The following SMC5 variants were observed in gnomAD, a reference collection of about 807,000 sequenced individuals.
SMC5 encodes the protein structural maintenance of chromosomes protein 5.
Under a neutral mutation model 148.3 loss-of-function variants are expected in SMC5, and 88 were observed. The ratio of observed to expected loss-of-function variants is 0.59; its 90% CI spans 0.50 to 0.71. The LOEUF (loss-of-function observed/expected upper bound fraction) is 0.71, where lower values mean the gene tolerates loss of function less well. Ranked by LOEUF, SMC5 falls within the 30% of genes least tolerant of loss-of-function variation. The probability of loss-of-function intolerance (pLI) is 0.00; values close to 1 mark genes in which losing one functional copy is unlikely to be tolerated. For synonymous variants in SMC5, 421 were observed against 432.8 expected (o/e 0.97, Z 0.34); for missense variants, 1,142 against 1,298.9 (o/e 0.88, Z 1.86).
intron 11 of SMC5, among the ~76,000 whole-genome samples, chr9:70,306,261 T>C (rs1000170124): frequency 6.6e-6 from 1 of 152,314 alleles, no homozygotes; most frequent in African/African-American, 2.4e-5. Context: ...TTAAAGAATT[T>C]TTTTAATTGG....
intron 3 of SMC5, 81 bp from the exon 4 acceptor site, chr9:70,277,229 G>A (rs1225749444): frequency 1.9e-6 from 2 of 1,054,068 alleles, no homozygotes; most frequent in Non-Finnish European, 2.5e-6. Flanking sequence ...CACCTTTTGT[G>A]CAAGAGAATT....
In SMC5 at chr9:70,342,405, AAATAAT is replaced by A. The variant is rs537967924; in HGVS notation, c.2398-1731_2398-1726del. ...AAAAGTGTAATAATAATAAAATAAT[AAATAAT>A]AATAATACAGGTGTCCAGACCTCAG... On this transcript the variant is annotated intron_variant, in intron 17 of 24. Transcript: ENST00000361138. Among the ~76,000 whole-genome samples, 100 of 152,120 alleles carry A rather than the reference AAATAAT, an allele frequency of 6.6e-4. No homozygotes were observed. In the East Asian group the frequency reaches 7.5e-3, roughly 11 times the overall value.
intron 1 of SMC5, among the ~76,000 whole-genome samples, chr9:70,260,515 T>C (rs2034088977): frequency 6.6e-6 from 1 of 152,190 alleles, no homozygotes; most frequent in South Asian, 2.1e-4. Flanking sequence ...CATAGTGCAC[T>C]CATTCTTTCT....
At chr9:70,335,995 G>C (rs1241463983) in intron 17 of SMC5, among the ~76,000 whole-genome samples, 2 of 152,232 alleles carry the variant, frequency 1.3e-5, no homozygotes, top group Non-Finnish European at 2.9e-5. Flanking sequence ...TGCTGTATTT[G>C]TTGTAGATTT....
chr9:70,310,120 T>A (rs1250288084), intron 11 of SMC5, among the ~76,000 whole-genome samples: 1 of 152,238 alleles, frequency 6.6e-6, no homozygotes, highest in Non-Finnish European at 1.5e-5. Flanking sequence ...AGTGCTGGGA[T>A]TACAGGTGTA....
intron 3 of SMC5, among the ~76,000 whole-genome samples, chr9:70,270,838 G>C (rs1040930727): frequency 1.3e-4 from 20 of 151,858 alleles, no homozygotes; most frequent in African/African-American, 4.4e-4. Flanking sequence ...GTAGAGACAG[G>C]GTTTCGCCAT....
intron 8 of SMC5, among the ~76,000 whole-genome samples, chr9:70,294,117 G>A (rs1443441744): frequency 2.0e-5 from 3 of 152,118 alleles, no homozygotes; most frequent in African/African-American, 7.2e-5. Flanking sequence ...AGATTTAAAA[G>A]CAAGAGAAGG....
At chr9:70,280,086 A>G (rs2034709233) in intron 5 of SMC5, among the ~76,000 whole-genome samples, 1 of 152,216 alleles carries the variant, frequency 6.6e-6, no homozygotes, top group Non-Finnish European at 1.5e-5. Context: ...CAAAGTGAAT[A>G]ATCAAAGGAG....
chr9:70,340,072 T>C (rs1286133770), intron 17 of SMC5, among the ~76,000 whole-genome samples: 2 of 152,190 alleles, frequency 1.3e-5, no homozygotes, highest in Non-Finnish European at 2.9e-5. Context: ...TTTAATAATA[T>C]ATATCAAGAT....
intron 17 of SMC5, among the ~76,000 whole-genome samples, chr9:70,331,362 T>C (rs2036213833): frequency 6.6e-6 from 1 of 152,202 alleles, no homozygotes; most frequent in Admixed American, 6.5e-5. Context: ...ATAATGTGTA[T>C]ACCTTATTTT....
rs1268435357 is a variant in SMC5, at chr9:70,324,254, A to C, written c.2397+111A>C. On this transcript the variant is annotated intron_variant, in intron 17 of 24. Transcript: ENST00000361138. ...ATAGTTTGTTGTTTTATGCTATTTA[A>C]CTTACAAATTTAATGCATCATGTTG... 4.4e-6 allele frequency: 5 copies of C among 1,135,706 alleles called. No individual in the cohort carries two copies. In the African/African-American group the frequency reaches 6.5e-5, roughly 15 times the overall value. 70.4% of individuals were successfully genotyped at this position (1,135,706 alleles called of 1,614,324 possible). A position where few individuals can be genotyped will look rare whatever the true frequency, so the allele number is the denominator to read the frequency against.
rs144459025 is a variant in SMC5, at chr9:70,335,330, G to A, written c.2398-8814G>A. 4.0e-3 allele frequency among the ~76,000 whole-genome samples: 601 copies of A among 152,116 alleles called. 4 individuals are homozygous for A. Among genetic ancestry groups the A allele is most frequent in the African/African-American group, 0.013 (556 of 41,488 alleles). On this transcript the variant is annotated intron_variant, in intron 17 of 24. Transcript: ENST00000361138. ...TAGCAAGACCCTGTTTCTACAAAAA[G>A]TTAAAAATTTGCCAGGCATGATGGT... is the stretch of plus-strand genomic sequence containing the variant.
rs1039977416 is a variant in SMC5, at chr9:70,259,282, G to A, written c.185+19G>A. Reference sequence around the variant, plus strand: ...ACTTCCTGTAAGTTGCCCGGAGGCCGCGCCGCGGGTGTGGAGGTGTGCTGG... The same window carrying A: ...ACTTCCTGTAAGTTGCCCGGAGGCCACGCCGCGGGTGTGGAGGTGTGCTGG... On this transcript the variant is annotated intron_variant, in intron 1 of 24. Transcript: ENST00000361138. 4 of 1,552,914 alleles carry A rather than the reference G, an allele frequency of 2.6e-6. No homozygotes were observed. In the African/African-American group the frequency reaches 4.1e-5, roughly 16 times the overall value.
intron 9 of SMC5, among the ~76,000 whole-genome samples, chr9:70,299,662 C>T (rs968511290): frequency 6.6e-5 from 10 of 151,844 alleles, no homozygotes; most frequent in Admixed American, 6.6e-4. Flanking sequence ...CATCATCCCC[C>T]CCCCTTTTTT....
chr9:70,263,512 AC>A (rs2034195340), intron 1 of SMC5, among the ~76,000 whole-genome samples: 1 of 152,256 alleles, frequency 6.6e-6, no homozygotes, highest in Non-Finnish European at 1.5e-5. Flanking sequence ...GACAAAGGAC[AC>A]TTTATGGGTT....
chr9:70,262,777 T>C (rs1339464446), intron 1 of SMC5, among the ~76,000 whole-genome samples: 4 of 152,182 alleles, frequency 2.6e-5, no homozygotes, highest in African/African-American at 9.7e-5. Context: ...TCGTGAAGTA[T>C]ATGGAATGAT....
In SMC5 at chr9:70,268,454, G is replaced by GC. The variant is rs138603116; in HGVS notation, c.380+487dup. On this transcript the variant is annotated intron_variant, in intron 3 of 24. Coordinates refer to ENST00000361138, the MANE Select transcript of SMC5 (RefSeq NM_015110.4). ...GAGCTAGACTCTGCCCATGCCCCCTGCCCCCCCCAAAAAAAAAACTTGTGA... is the reference window on the plus strand; with the variant it reads ...GAGCTAGACTCTGCCCATGCCCCCTGCCCCCCCCCAAAAAAAAAACTTGTGA... 1.3e-3 allele frequency among the ~76,000 whole-genome samples: 188 copies of GC among 147,372 alleles called. 1 individual carries two copies. Among genetic ancestry groups the GC allele is most frequent in the East Asian group, 0.012 (59 of 4,732 alleles).
chr9:70,339,518 G>A (rs1402548870), intron 17 of SMC5, among the ~76,000 whole-genome samples: 1 of 151,600 alleles, frequency 6.6e-6, no homozygotes, highest in East Asian at 1.9e-4. Flanking sequence ...ACCTACTCTT[G>A]TTTTCTTCTC....
intron 2 of SMC5, among the ~76,000 whole-genome samples, chr9:70,265,692 A>G (rs2034271535): frequency 6.6e-6 from 1 of 152,238 alleles, no homozygotes; most frequent in African/African-American, 2.4e-5. Flanking sequence ...ATGCCAGGCA[A>G]ATATGCAAAA....
Sources: gnomAD v4.1 joint callset for allele counts (sites outside exome capture counted in the v4.1 genomes callset) on GRCh38, gnomAD v4.1.1 for gene constraint, MANE v1.5 for transcripts, NCBI Gene and HGNC (gene_info 2026-07-23, HGNC 2026-07-21) for gene names.